The following HPGDS variants were observed in gnomAD, a reference collection of about 807,000 sequenced individuals.
HPGDS encodes hematopoietic prostaglandin D synthase, also known as GST class-sigma.
Under a neutral mutation model 23.1 loss-of-function variants are expected in HPGDS, and 26 were observed. The observed-to-expected ratio is 1.13, with a 90% confidence interval of 0.83 to 1.56. The LOEUF is 1.56. HPGDS is among the 40% of genes most tolerant of loss of function. The pLI is 0.00. For synonymous variants in HPGDS, 95 were observed against 77.9 expected (o/e 1.22, Z -1.16); for missense variants, 268 against 236.4 (o/e 1.13, Z -0.88).
In HPGDS at chr4:94,323,581, C is replaced by T. The variant is rs144359336; in HGVS notation, c.134-5616G>A. On this transcript the variant is annotated intron_variant, in intron 2 of 5. Transcript: ENST00000295256. ...TCTGTTTTATCAGAGAGTAGGATTG[C>T]AACCCCTCCTTTTTTTTTGTTTTCC... Among the ~76,000 whole-genome samples the T allele has an allele frequency of 8.2e-3, 1,252 of 152,158 alleles. 7 individuals carry two copies. The highest frequency in any genetic ancestry group is 0.055 in the Middle Eastern group (16 of 292).
chr4:94,301,579 T>G (rs958135620), intron 5 of HPGDS, among the ~76,000 whole-genome samples: 2 of 152,174 alleles, frequency 1.3e-5, no homozygotes, highest in Non-Finnish European at 2.9e-5. Context: ...TTACTTGACC[T>G]TACTCACCTT....
At chr4:94,328,480 GTTTTC>G (rs980478815) in intron 2 of HPGDS, among the ~76,000 whole-genome samples, 1 of 152,016 alleles carries the variant, frequency 6.6e-6, no homozygotes, top group Non-Finnish European at 1.5e-5. Context: ...AAATCCTACT[GTTTTC>G]TTATCTAAAC....
chr4:94,304,965 A>G (rs773977928), intron 4 of HPGDS, among the ~76,000 whole-genome samples: 16 of 152,112 alleles, frequency 1.1e-4, no homozygotes, highest in Admixed American at 3.3e-4. Context: ...TGGTACATGG[A>G]ACAAAAATCT....
intron 1 of HPGDS, 69 bp from the exon 2 acceptor site, chr4:94,334,707 A>AT: frequency 6.9e-7 from 1 of 1,448,452 alleles, no homozygotes. Context: ...TTTCTTCAGA[A>AT]TTTTTTGGAA....
At chr4:94,329,304 G>T (rs1259997379) in intron 2 of HPGDS, among the ~76,000 whole-genome samples, 8 of 152,186 alleles carry the variant, frequency 5.3e-5, no homozygotes, top group African/African-American at 1.9e-4. Flanking sequence ...ACCTGGTAAA[G>T]GTAGGCTTCA....
intron 2 of HPGDS, among the ~76,000 whole-genome samples, chr4:94,321,303 G>C (rs573044803): frequency 6.6e-6 from 1 of 152,310 alleles, no homozygotes; most frequent in South Asian, 2.1e-4. Flanking sequence ...TGTGAAGAAA[G>C]TCACTTGTAG....
At chr4:94,327,406 G>T (rs1579444799) in intron 2 of HPGDS, among the ~76,000 whole-genome samples, 1 of 152,092 alleles carries the variant, frequency 6.6e-6, no homozygotes. Context: ...AGGGCACGTT[G>T]ATCCCCAGAC....
At chr4:94,321,559 CTGTT>C (rs1302838717) in intron 2 of HPGDS, among the ~76,000 whole-genome samples, 3 of 152,118 alleles carry the variant, frequency 2.0e-5, no homozygotes, top group East Asian at 1.9e-4. Context: ...ATTTGGCTCT[CTGTT>C]TGTCTGTTAT....
At chr4:94,324,005 T>C (rs1305731636) in intron 2 of HPGDS, among the ~76,000 whole-genome samples, 1 of 152,228 alleles carries the variant, frequency 6.6e-6, no homozygotes, top group African/African-American at 2.4e-5. Context: ...ATTTTATTTC[T>C]CCTTCACTTA....
At chr4:94,327,356 G>T (rs1196331134) in intron 2 of HPGDS, among the ~76,000 whole-genome samples, 1 of 152,134 alleles carries the variant, frequency 6.6e-6, no homozygotes, top group African/African-American at 2.4e-5. Context: ...CTTGTTCTCA[G>T]GTCTCCTGAG....
At chr4:94,332,863 T>C (rs1023671925) in intron 2 of HPGDS, among the ~76,000 whole-genome samples, 1 of 152,248 alleles carries the variant, frequency 6.6e-6, no homozygotes, top group Non-Finnish European at 1.5e-5. Context: ...CACTTTACCA[T>C]GCTTTGGCCT....
chr4:94,300,813 T>TA (rs1210925345), intron 5 of HPGDS, among the ~76,000 whole-genome samples: 3 of 151,922 alleles, frequency 2.0e-5, no homozygotes, highest in Non-Finnish European at 4.4e-5. Flanking sequence ...GGCTTAAATA[T>TA]AAAAAAAGAT....
intron 3 of HPGDS, among the ~76,000 whole-genome samples, chr4:94,310,270 C>T (rs1756237340): frequency 6.6e-6 from 1 of 152,188 alleles, no homozygotes; most frequent in African/African-American, 2.4e-5. Flanking sequence ...TTAGGTCTAA[C>T]ATTGAAGTCT....
intron 4 of HPGDS, among the ~76,000 whole-genome samples, chr4:94,306,797 G>A (rs185625860): frequency 3.3e-5 from 5 of 152,040 alleles, no homozygotes; most frequent in Admixed American, 2.6e-4. Flanking sequence ...ACGGGAAATA[G>A]GAAAAGAGCC....
chr4:94,334,242 A>T, intron 2 of HPGDS: 1 of 306,712 alleles, frequency 3.3e-6, no homozygotes, highest in Non-Finnish European at 5.9e-6. Flanking sequence ...ACAATGTCGC[A>T]TGTTTATTTC....
At chr4:94,314,159 C>T (rs1756342267) in intron 3 of HPGDS, among the ~76,000 whole-genome samples, 2 of 152,224 alleles carry the variant, frequency 1.3e-5, no homozygotes, top group African/African-American at 4.8e-5. Flanking sequence ...ATTCTCTGTC[C>T]AGCTTTGTTC....
intron 2 of HPGDS, among the ~76,000 whole-genome samples, chr4:94,327,622 T>G (rs181416129): frequency 1.9e-3 from 285 of 152,218 alleles, no homozygotes; most frequent in African/African-American, 6.1e-3. Flanking sequence ...CTAGAGAAGG[T>G]ATGGTTGCTG....
At chr4:94,308,388 A>G (rs562689406) in intron 4 of HPGDS, among the ~76,000 whole-genome samples, 1 of 152,274 alleles carries the variant, frequency 6.6e-6, no homozygotes, top group African/African-American at 2.4e-5. Context: ...CTATAGAAAT[A>G]TGGAAATGTG....
intron 2 of HPGDS, among the ~76,000 whole-genome samples, chr4:94,318,745 G>T (rs926489380): frequency 6.6e-6 from 1 of 152,032 alleles, no homozygotes; most frequent in African/African-American, 2.4e-5. Flanking sequence ...TGGAGTCTCG[G>T]TCTGTCACTG....
Sources: gnomAD v4.1 joint callset for allele counts (sites outside exome capture counted in the v4.1 genomes callset) on GRCh38, gnomAD v4.1.1 for gene constraint, MANE v1.5 for transcripts, NCBI Gene and HGNC (gene_info 2026-07-23, HGNC 2026-07-21) for gene names.